Variants in FGFR2 observed in about 807,000 individuals in gnomAD.
FGFR2 encodes fibroblast growth factor receptor 2, also known as BEK fibroblast growth factor receptor.
In FGFR2, 19 loss-of-function variants were observed where a neutral mutation model predicts 95.9. That is an observed-to-expected ratio of 0.20 (90% CI 0.14 to 0.29). The LOEUF (loss-of-function observed/expected upper bound fraction) is 0.29. Among genes scored for constraint, FGFR2 ranks in the 10% least tolerant of loss-of-function variants. FGFR2 has a pLI of 1.00. For missense variants in FGFR2, 707 were observed against 1,056.9 expected (o/e 0.67, Z 4.59); for synonymous variants, 392 against 393.3 (o/e 1.00, Z 0.04).
At chr10:121,512,345 C>A (rs535032986) in intron 9 of FGFR2, among the ~76,000 whole-genome samples, 3 of 152,278 alleles carry the variant, frequency 2.0e-5, no homozygotes, top group Admixed American at 1.3e-4. Flanking sequence ...ATGAAACATT[C>A]TTTGTGAAGA....
intron 9 of FGFR2, among the ~76,000 whole-genome samples, chr10:121,504,238 T>C (rs1589781804): frequency 6.6e-6 from 1 of 152,346 alleles, no homozygotes; most frequent in East Asian, 1.9e-4. Context: ...AGAGAGTCAC[T>C]TGAGGACATG....
intron 2 of FGFR2, among the ~76,000 whole-genome samples, chr10:121,578,938 G>A (rs1359946947): frequency 6.6e-6 from 1 of 152,158 alleles, no homozygotes; most frequent in Admixed American, 6.5e-5. Flanking sequence ...AAAGATTCTG[G>A]GTCAGTAGGC....
At chr10:121,489,394 G>A (rs41293773) in intron 13 of FGFR2, among the ~76,000 whole-genome samples, 5 of 151,938 alleles carry the variant, frequency 3.3e-5, no homozygotes, top group African/African-American at 4.8e-5. Flanking sequence ...GTTTTATCCC[G>A]TCCCCTTCCC....
In FGFR2 at chr10:121,598,290, C is replaced by CGG. The variant is rs1483138734; in HGVS notation, c.-480_-479insCC. On this transcript the variant is annotated 5_prime_UTR_variant, in exon 1 of 18. It removes the in-frame stop codon of an upstream open reading frame in the 5' UTR. Coordinates refer to ENST00000358487, the MANE Select transcript of FGFR2 (RefSeq NM_000141.5). ...CTGCGGCCTCGGGGCCCCCGGGGCT[C>CGG]GCGGCCGGCCCCCGCCAGCCCGGAG... 4 of 373,252 alleles carry CGG rather than the reference C, an allele frequency of 1.1e-5. No homozygotes were observed. The highest frequency in any genetic ancestry group is 4.6e-5 in the Admixed American group (1 of 21,664). 23.1% of individuals were successfully genotyped at this position (373,252 alleles called of 1,614,324 possible).
intron 13 of FGFR2, among the ~76,000 whole-genome samples, chr10:121,491,050 C>A (rs1374586091): frequency 6.6e-6 from 1 of 152,186 alleles, no homozygotes; most frequent in Non-Finnish European, 1.5e-5. Context: ...TGGTGTGCTC[C>A]TGCCGACACG....
At chr10:121,537,589 C>T (rs747823264) in intron 6 of FGFR2, among the ~76,000 whole-genome samples, 3 of 152,152 alleles carry the variant, frequency 2.0e-5, no homozygotes, top group South Asian at 2.1e-4. Flanking sequence ...GGAGACACTT[C>T]GTTTACAGAG....
intron 14 of FGFR2, 68 bp from the exon 15 acceptor site, chr10:121,487,492 G>A (rs2133826795): frequency 7.8e-7 from 1 of 1,288,498 alleles, no homozygotes; most frequent in Non-Finnish European, 1.1e-6. Flanking sequence ...AGGCTCAATA[G>A]GGCTATGCCC....
chr10:121,550,471 C>T (rs901375983), intron 5 of FGFR2, among the ~76,000 whole-genome samples: 1 of 152,106 alleles, frequency 6.6e-6, no homozygotes, highest in Non-Finnish European at 1.5e-5. Context: ...TTCAAACTCC[C>T]TAGGGAGTGA....
intron 5 of FGFR2, among the ~76,000 whole-genome samples, chr10:121,539,291 G>A (rs1853340756): frequency 6.6e-6 from 1 of 152,190 alleles, no homozygotes; most frequent in African/African-American, 2.4e-5. Flanking sequence ...TCCCATCTCT[G>A]GTTGTGGCTG....
intron 4 of FGFR2, among the ~76,000 whole-genome samples, chr10:121,560,669 G>A (rs192661705): frequency 1.3e-3 from 186 of 143,974 alleles, no homozygotes; most frequent in Non-Finnish European, 3.2e-4. Flanking sequence ...CCACTTATCA[G>A]TGCTTTTTAT....
intron 9 of FGFR2, among the ~76,000 whole-genome samples, chr10:121,512,236 C>G (rs762285253): frequency 6.6e-6 from 1 of 152,192 alleles, no homozygotes; most frequent in Non-Finnish European, 1.5e-5. Flanking sequence ...ATCTGCAGGC[C>G]TTTCTGGGGC....
chr10:121,506,907 T>A (rs1848369645), intron 9 of FGFR2, among the ~76,000 whole-genome samples: 1 of 152,228 alleles, frequency 6.6e-6, no homozygotes, highest in Non-Finnish European at 1.5e-5. Flanking sequence ...AACAAAAATA[T>A]TTTTTAGAAT....
chr10:121,527,197 ACC>A (rs1016545418), intron 6 of FGFR2, among the ~76,000 whole-genome samples: 1 of 152,168 alleles, frequency 6.6e-6, no homozygotes, highest in Admixed American at 6.5e-5. Flanking sequence ...TATTATTAGT[ACC>A]TTCCCTAATT....
chr10:121,532,245 A>G (rs763709624), intron 6 of FGFR2, among the ~76,000 whole-genome samples: 1 of 152,212 alleles, frequency 6.6e-6, no homozygotes. Flanking sequence ...ACCTTGTGCC[A>G]GGAACAGGTA....
chr10:121,517,614 CGA>C lies in FGFR2; in HGVS notation c.940-153_940-152del. On this transcript the variant is annotated intron_variant, in intron 7 of 17. Coordinates refer to ENST00000358487, the MANE Select transcript of FGFR2 (RefSeq NM_000141.5). The surrounding 1 kb of genome is among the most constrained non-coding windows in gnomAD (Gnocchi z 4.7). ...GCAGCCCATCCACAAAGCCCACAAC[CGA>C]GAGACACGGAGCAACACTGACCAGC... 1 of 858,614 alleles carries C rather than the reference CGA, an allele frequency of 1.2e-6. No homozygotes were observed. The highest frequency in any genetic ancestry group is 1.9e-6 in the Non-Finnish European group (1 of 527,260). 53.2% of individuals were successfully genotyped at this position (858,614 alleles called of 1,614,324 possible).
intron 6 of FGFR2, 52 bp downstream of exon 6, chr10:121,538,540 C>A (rs2134597638): frequency 6.2e-7 from 1 of 1,613,490 alleles, no homozygotes; most frequent in South Asian, 1.1e-5. Context: ...TCAAACGAGT[C>A]AAGCAAGAAT....
intron 6 of FGFR2, 27 bp downstream of exon 6, chr10:121,538,565 C>T (rs2134598943): frequency 6.2e-7 from 1 of 1,614,118 alleles, no homozygotes; most frequent in Non-Finnish European, 8.5e-7. Context: ...TGGTATGCAG[C>T]CGCCACACGA....
intron 13 of FGFR2, 52 bp from the exon 14 acceptor site, chr10:121,488,165 A>G (rs749303612): frequency 5.0e-6 from 8 of 1,606,598 alleles, no homozygotes; most frequent in Non-Finnish European, 3.4e-6. Flanking sequence ...ACACCGCCAG[A>G]ACAAAAAGGA....
In FGFR2 at chr10:121,543,246, ACG is replaced by A. The variant is rs568711506; in HGVS notation, c.625-4533_625-4532del. On this transcript the variant is annotated intron_variant, in intron 5 of 17. Coordinates refer to ENST00000358487, the MANE Select transcript of FGFR2 (RefSeq NM_000141.5). ...AAAAATCTGCCAGGTGCAGTGGCTC[ACG>A]CCTGTAATCCCAGCACTTTGGGAGG... 1.1e-4 allele frequency among the ~76,000 whole-genome samples: 17 copies of A among 152,318 alleles called. 1 individual carries two copies. The South Asian group carries it at 3.5e-3, about 32-fold the overall frequency.
Sources: allele counts gnomAD v4.1 joint callset (sites outside exome capture counted in the v4.1 genomes callset), GRCh38; gene constraint gnomAD v4.1.1; non-coding constraint Gnocchi (gnomAD v3.1); transcripts MANE v1.5; gene names NCBI Gene and HGNC (gene_info 2026-07-23, HGNC 2026-07-21).